Variants in IKBKB observed in about 807,000 individuals in gnomAD.
The protein encoded by IKBKB is inhibitor of nuclear factor kappa B kinase subunit beta, also known as inhibitor of nuclear factor kappa-B kinase subunit beta.
In IKBKB, 42 loss-of-function variants were observed where a neutral mutation model predicts 113.6. That is an observed-to-expected ratio of 0.37 (90% CI 0.29 to 0.48). The LOEUF (loss-of-function observed/expected upper bound fraction) is 0.48. Among genes scored for constraint, IKBKB ranks in the 20% least tolerant of loss-of-function variants. The pLI, the probability that IKBKB is intolerant of heterozygous loss-of-function variation, is 0.99. For missense variants in IKBKB, 673 were observed against 939.7 expected, an observed-to-expected ratio of 0.72 and a Z score of 3.71; for synonymous variants, 296 against 361.3, an observed-to-expected ratio of 0.82 and a Z score of 2.05.
chr8:42,272,211 C>T lies in IKBKB; in HGVS notation c.105+6C>T. 1 of 1,614,118 alleles carries T rather than the reference C, an allele frequency of 6.2e-7. No individual in the cohort carries two copies. Among genetic ancestry groups the T allele is most frequent in the Non-Finnish European group, 8.5e-7 (1 of 1,180,030 alleles). On this transcript the variant is annotated splice_donor_region_variant and intron_variant, in intron 2 of 21. Coordinates refer to ENST00000520810, the MANE Select transcript of IKBKB (RefSeq NM_001556.3). ...TCATCCGATGGCACAATCAGGTAGGCCCTCTGTGCAGCTTGGGGAGGGGCG... is the reference window on the plus strand; with the variant it reads ...TCATCCGATGGCACAATCAGGTAGGTCCTCTGTGCAGCTTGGGGAGGGGCG...
intron 2 of IKBKB, among the ~76,000 whole-genome samples, chr8:42,280,451 C>T (rs1490394435): frequency 6.6e-6 from 1 of 152,182 alleles, no homozygotes; most frequent in Non-Finnish European, 1.5e-5. Flanking sequence ...TAACCGAGTG[C>T]TCCCACCTGG....
At chr8:42,291,060 C>T (rs969255889) in intron 4 of IKBKB, among the ~76,000 whole-genome samples, 23 of 152,212 alleles carry the variant, frequency 1.5e-4, no homozygotes, top group African/African-American at 4.8e-4. Context: ...GAGGTTGGGC[C>T]TCACACAGCT....
At chr8:42,308,032 C>G (rs561092036) in intron 7 of IKBKB, among the ~76,000 whole-genome samples, 15 of 152,366 alleles carry the variant, frequency 9.8e-5, no homozygotes, top group Non-Finnish European at 1.8e-4. Flanking sequence ...CTCTCTGCCT[C>G]AGCAGCAGCC....
intron 20 of IKBKB, 61 bp downstream of exon 20, chr8:42,326,158 G>A: frequency 6.3e-7 from 1 of 1,593,056 alleles, no homozygotes; most frequent in Non-Finnish European, 8.6e-7. Context: ...GATCGGGGAT[G>A]GAGGCGTTTG....
intron 2 of IKBKB, among the ~76,000 whole-genome samples, chr8:42,286,909 T>G (rs1241475947): frequency 6.6e-6 from 1 of 152,036 alleles, no homozygotes; most frequent in Admixed American, 6.6e-5. Context: ...CTTGCCCAGG[T>G]GTGTGTGCGG....
intron 5 of IKBKB, chr8:42,297,922 C>CT (rs1563324147): frequency 5.7e-6 from 1 of 174,200 alleles, no homozygotes; most frequent in African/African-American, 2.4e-5. Flanking sequence ...GAATGAGCAG[C>CT]TGCCTGGCGG....
chr8:42,323,255 C>A (rs1020233839), intron 19 of IKBKB, among the ~76,000 whole-genome samples: 1 of 152,258 alleles, frequency 6.6e-6, no homozygotes, highest in Non-Finnish European at 1.5e-5. Flanking sequence ...GTGGGCATAT[C>A]CTTCTTAGGG....
Position 42,306,364 on chromosome 8 carries a change from C to G in IKBKB, c.499C>G (p.Leu167Val), listed in dbSNP as rs764751191. ...EQRLIHKIID[L>V]GYAKELDQGS... ...TTAGTTAATACACAAAATTATTGAC[C>G]TAGGATATGCCAAGGAGCTGGATCA... Residue 167 changes from leucine to valine, a missense_variant, in exon 7 of 22, where the codon CTA becomes GTA. This residue lies in a region of IKBKB where 167 missense variants were observed against 301.0 expected (regional missense o/e 0.55). Coordinates refer to ENST00000520810, the MANE Select transcript of IKBKB (RefSeq NM_001556.3). 1 of 1,611,544 alleles carries G rather than the reference C, an allele frequency of 6.2e-7. No individual in the cohort carries two copies. The highest frequency in any genetic ancestry group is 8.5e-7 in the Non-Finnish European group (1 of 1,177,750).
Position 42,316,201 on chromosome 8 carries a change from T to A in IKBKB, c.801-9T>A, listed in dbSNP as rs1818655339. 6.2e-7 allele frequency: 1 copy of A among 1,613,820 alleles called. No individual in the cohort carries two copies. The highest frequency in any genetic ancestry group is 1.3e-5 in the African/African-American group (1 of 75,036). ...AGTGTCTCCTCACACACTATGCTCC[T>A]CTCCACAGTGTCCTGGCTGAGCGAC... On this transcript the variant is annotated splice_polypyrimidine_tract_variant and intron_variant, in intron 9 of 21. Transcript: ENST00000520810. This position sits in a 1 kb window ranked among gnomAD's most constrained non-coding sequence, Gnocchi z 4.5.
intron 2 of IKBKB, among the ~76,000 whole-genome samples, chr8:42,275,678 A>G (rs1344872001): frequency 6.6e-6 from 1 of 152,014 alleles, no homozygotes; most frequent in Non-Finnish European, 1.5e-5. Context: ...TTCTTTGTTC[A>G]TTTGTTCATT....
At chr8:42,305,034 C>T (rs778566575) in intron 5 of IKBKB, among the ~76,000 whole-genome samples, 153 bp from the exon 6 acceptor site, 3 of 152,244 alleles carry the variant, frequency 2.0e-5, no homozygotes, top group Admixed American at 1.3e-4. Flanking sequence ...TTAAGCCTCA[C>T]GTAGCAGGGC....
At chr8:42,317,800 AAAT>A (rs749325482) in intron 12 of IKBKB, 29 bp downstream of exon 12, 3 of 1,478,066 alleles carry the variant, frequency 2.0e-6, no homozygotes, top group Non-Finnish European at 2.8e-6. Context: ...TTGTTTTTCT[AAAT>A]AATCCGTTAT....
intron 8 of IKBKB, 59 bp downstream of exon 8, chr8:42,309,084 C>G (rs1041185044): frequency 1.9e-6 from 3 of 1,549,226 alleles, no homozygotes; most frequent in Admixed American, 3.7e-5. Flanking sequence ...TTTCTCTTCA[C>G]GTACCCTGTT....
chr8:42,320,387 A>G (rs1190701663), intron 15 of IKBKB: 1 of 227,520 alleles, frequency 4.4e-6, no homozygotes, highest in Non-Finnish European at 8.8e-6. Flanking sequence ...GATGAAGAGA[A>G]GAGAAAGTAA....
chr8:42,327,258 C>T (rs1325192005), intron 20 of IKBKB, among the ~76,000 whole-genome samples: 1 of 151,554 alleles, frequency 6.6e-6, no homozygotes, highest in Non-Finnish European at 1.5e-5. Context: ...CTTTGGGAGG[C>T]CAAGGCAGGA....
rs752260592 is a variant in IKBKB, at chr8:42,320,862, G to T, written c.1688+18G>T. 7.9e-6 allele frequency: 12 copies of T among 1,528,300 alleles called. No individual in the cohort carries two copies. In the African/African-American group the frequency reaches 1.5e-4, roughly 19 times the overall value. The allele number at this position is 1,528,300 out of a possible 1,614,324, so 94.7% of individuals were successfully genotyped here. ...GACGACCTGTGAGTACTGGCTGGGGGGCCCCTCTGTGCCCAGCACACACAG... is the reference window on the plus strand; with the variant it reads ...GACGACCTGTGAGTACTGGCTGGGGTGCCCCTCTGTGCCCAGCACACACAG... On this transcript the variant is annotated intron_variant, in intron 16 of 21. Transcript: ENST00000520810.
At chr8:42,285,235 T>A (rs578121679) in intron 2 of IKBKB, among the ~76,000 whole-genome samples, 8 of 152,242 alleles carry the variant, frequency 5.3e-5, no homozygotes, top group African/African-American at 1.9e-4. Context: ...TTTGTACCAC[T>A]GTACTAATCA....
At chr8:42,285,568 T>C (rs1213974222) in intron 2 of IKBKB, among the ~76,000 whole-genome samples, 2 of 151,960 alleles carry the variant, frequency 1.3e-5, no homozygotes, top group East Asian at 3.9e-4. Flanking sequence ...AAAGAAAAAA[T>C]AGCAACAGGT....
intron 2 of IKBKB, among the ~76,000 whole-genome samples, chr8:42,275,659 T>C (rs1808932053): frequency 6.6e-6 from 1 of 152,232 alleles, no homozygotes; most frequent in African/African-American, 2.4e-5. Flanking sequence ...TGTGTCTGTG[T>C]ACCACATTTT....
Sources: gnomAD v4.1 joint callset for allele counts (sites outside exome capture counted in the v4.1 genomes callset) on GRCh38, gnomAD v4.1.1 for gene constraint, gnomAD v4.1.1 regional missense constraint, Gnocchi (gnomAD v3.1) non-coding constraint, MANE v1.5 for transcripts, NCBI Gene and HGNC (gene_info 2026-07-23, HGNC 2026-07-21) for gene names.